MYRIP: variants seen among roughly 807,000 people sequenced by gnomAD.
The protein encoded by MYRIP is myosin VIIA and Rab interacting protein, also known as rab effector MyRIP.
Under a neutral mutation model 98.0 loss-of-function variants are expected in MYRIP, and 49 were observed. The ratio of observed to expected loss-of-function variants is 0.50; its 90% CI spans 0.40 to 0.63. The LOEUF (loss-of-function observed/expected upper bound fraction) is 0.63, where lower values mean the gene tolerates loss of function less well. Among genes scored for constraint, MYRIP ranks in the 30% least tolerant of loss-of-function variants. MYRIP has a pLI of 0.00. For missense variants in MYRIP, 1,004 were observed against 1,058.2 expected (o/e 0.95, Z 0.71); for synonymous variants, 404 against 409.5 (o/e 0.99, Z 0.16).
intron 3 of MYRIP, among the ~76,000 whole-genome samples, chr3:40,065,330 C>A (rs1265701306): frequency 6.6e-6 from 1 of 152,162 alleles, no homozygotes; most frequent in Non-Finnish European, 1.5e-5. Context: ...TAACTAAGTG[C>A]ATCTTCAATG....
intron 1 of MYRIP, among the ~76,000 whole-genome samples, chr3:39,900,255 A>G (rs906639528): frequency 7.2e-5 from 11 of 152,178 alleles, no homozygotes; most frequent in African/African-American, 2.2e-4. Context: ...ATCCTTTTGA[A>G]GAAGAGAACT....
chr3:39,812,416 G>T (rs981038480), intron 1 of MYRIP, among the ~76,000 whole-genome samples: 7 of 152,166 alleles, frequency 4.6e-5, no homozygotes, highest in Admixed American at 3.3e-4. Flanking sequence ...CTTACAATCT[G>T]GGTGAAGAAT....
intron 3 of MYRIP, among the ~76,000 whole-genome samples, chr3:40,134,429 C>T (rs988254909): frequency 9.2e-5 from 14 of 152,254 alleles, no homozygotes; most frequent in Non-Finnish European, 1.8e-4. Flanking sequence ...AAGAGGCCTG[C>T]CTGCCTCTGT....
At chr3:39,879,042 G>A (rs1262112636) in intron 1 of MYRIP, among the ~76,000 whole-genome samples, 2 of 150,924 alleles carry the variant, frequency 1.3e-5, no homozygotes, top group Non-Finnish European at 2.9e-5. Flanking sequence ...CTCCAGCCTG[G>A]CAACAGAGCG....
At chr3:39,812,515 A>G (rs536971350) in intron 1 of MYRIP, among the ~76,000 whole-genome samples, 113 of 152,370 alleles carry the variant, frequency 7.4e-4, no homozygotes, top group African/African-American at 2.6e-3. Context: ...ACATTGGTCA[A>G]TGGCGGCTGG....
intron 4 of MYRIP, among the ~76,000 whole-genome samples, chr3:40,160,349 G>A (rs1188067152): frequency 2.0e-5 from 3 of 152,202 alleles, no homozygotes; most frequent in South Asian, 2.1e-4. Flanking sequence ...CAGTCTGCCT[G>A]TTCTCAGATC....
At chr3:40,110,881 GGT>G (rs58040369) in intron 3 of MYRIP, among the ~76,000 whole-genome samples, 3,789 of 147,678 alleles carry the variant, frequency 0.026, 86 homozygotes, top group African/African-American at 0.062. Context: ...TTCATGAAGG[GGT>G]GTGTGTGTGT....
chr3:40,230,902 T>G (rs998655850), intron 11 of MYRIP, among the ~76,000 whole-genome samples: 1 of 151,836 alleles, frequency 6.6e-6, no homozygotes, highest in African/African-American at 2.4e-5. Flanking sequence ...CTCAGCTCAC[T>G]GCAACCTCCA....
At chr3:39,899,995 A>G (rs894100675) in intron 1 of MYRIP, among the ~76,000 whole-genome samples, 1 of 152,100 alleles carries the variant, frequency 6.6e-6, no homozygotes, top group African/African-American at 2.4e-5. Flanking sequence ...TAATTTTTGG[A>G]TCTGTAGTAG....
intron 1 of MYRIP, among the ~76,000 whole-genome samples, chr3:39,868,080 A>ATTAT (rs2125626455): frequency 6.6e-6 from 1 of 152,324 alleles, no homozygotes; most frequent in East Asian, 1.9e-4. Context: ...CTCCAAGATA[A>ATTAT]GGAGGGACCC....
At position 40,258,250 on chromosome 3, in the gene MYRIP, T is replaced by G; in HGVS notation, c.*84T>G. ...GACCCAACAGCCATCGAGTACTGTA[T>G]GTATTTCCACCTGAGGAGAAGGCCT... On this transcript the variant is annotated 3_prime_UTR_variant, in exon 17 of 17. Coordinates refer to ENST00000302541, the MANE Select transcript of MYRIP (RefSeq NM_015460.4). The G allele has an allele frequency of 6.5e-7, 1 of 1,530,158 alleles. No homozygotes were observed. Among genetic ancestry groups the G allele is most frequent in the Non-Finnish European group, 9.1e-7 (1 of 1,104,594 alleles). The allele number at this position is 1,530,158 out of a possible 1,614,324, so 94.8% of individuals were successfully genotyped here.
chr3:40,259,521 G>C lies in MYRIP; in HGVS notation c.*1355G>C, dbSNP rs1037711872. The C allele has an allele frequency of 6.6e-6, 1 of 152,204 alleles. No homozygotes were observed. Among genetic ancestry groups the C allele is most frequent in the Non-Finnish European group, 1.5e-5 (1 of 68,038 alleles). 9.4% of individuals were successfully genotyped at this position (152,204 alleles called of 1,614,324 possible). The stretch of plus-strand genomic sequence containing the variant: ...TCAGATTTAATAACTGAAGGCCAGA[G>C]AGATTAATTTGCCAAAGCCACACCT... On this transcript the variant is annotated 3_prime_UTR_variant, in exon 17 of 17. Transcript: ENST00000302541.
At chr3:40,034,430 C>T (rs1316527277) in intron 2 of MYRIP, among the ~76,000 whole-genome samples, 1 of 152,034 alleles carries the variant, frequency 6.6e-6, no homozygotes, top group East Asian at 1.9e-4. Context: ...ACAGACACTT[C>T]TCAAAAGAAG....
intron 2 of MYRIP, among the ~76,000 whole-genome samples, chr3:39,904,476 T>C (rs1411723004): frequency 6.6e-6 from 1 of 152,164 alleles, no homozygotes. Context: ...GCTCAGGCAA[T>C]CTGCCCACCT....
At chr3:40,076,073 T>C (rs1948337157) in intron 3 of MYRIP, among the ~76,000 whole-genome samples, 1 of 152,072 alleles carries the variant, frequency 6.6e-6, no homozygotes, top group African/African-American at 2.4e-5. Context: ...GGCATAGTGG[T>C]GCATGCCTGT....
chr3:39,883,716 A>G (rs1350873798), intron 1 of MYRIP, among the ~76,000 whole-genome samples: 1 of 152,060 alleles, frequency 6.6e-6, no homozygotes, highest in Non-Finnish European at 1.5e-5. Flanking sequence ...GGCAGATTTA[A>G]TATACATGAA....
intron 3 of MYRIP, among the ~76,000 whole-genome samples, chr3:40,068,453 G>C (rs1276426439): frequency 6.6e-6 from 1 of 152,174 alleles, no homozygotes; most frequent in Non-Finnish European, 1.5e-5. Context: ...TATAGTGTCA[G>C]ATTTGTGAAG....
chr3:39,999,598 C>T (rs991164167), intron 2 of MYRIP, among the ~76,000 whole-genome samples: 3 of 152,080 alleles, frequency 2.0e-5, no homozygotes, highest in Admixed American at 2.0e-4. Flanking sequence ...TAGTTTCAAC[C>T]ATTGTGGAAG....
At chr3:40,079,045 G>T (rs1948417161) in intron 3 of MYRIP, among the ~76,000 whole-genome samples, 1 of 152,202 alleles carries the variant, frequency 6.6e-6, no homozygotes, top group African/African-American at 2.4e-5. Flanking sequence ...GTTAGAAGGG[G>T]AAAGGACTAG....
Sources: gnomAD v4.1 joint callset for allele counts (sites outside exome capture counted in the v4.1 genomes callset) on GRCh38, gnomAD v4.1.1 for gene constraint, MANE v1.5 for transcripts, NCBI Gene and HGNC (gene_info 2026-07-23, HGNC 2026-07-21) for gene names.